The following FAM135B variants were observed in gnomAD, a reference collection of about 807,000 sequenced individuals.
FAM135B encodes the protein protein FAM135B.
A neutral mutation model predicts 127.7 loss-of-function variants in FAM135B; 43 were observed. The ratio of observed to expected loss-of-function variants is 0.34; its 90% CI spans 0.26 to 0.43. The LOEUF is 0.43. Among genes scored for constraint, FAM135B ranks in the 20% least tolerant of loss-of-function variants. FAM135B has a pLI of 1.00. For synonymous variants in FAM135B, 670 were observed against 665.1 expected, an observed-to-expected ratio of 1.01 and a Z score of -0.11; for missense variants, 1,558 against 1,725.6, an observed-to-expected ratio of 0.90 and a Z score of 1.72.
At chr8:138,309,888 T>G (rs1391273782) in intron 3 of FAM135B, among the ~76,000 whole-genome samples, 3 of 137,722 alleles carry the variant, frequency 2.2e-5, no homozygotes, top group Non-Finnish European at 4.6e-5. Context: ...TTTTTGGAGC[T>G]CCACTCTGTC....
intron 3 of FAM135B, among the ~76,000 whole-genome samples, chr8:138,277,572 G>T (rs1443357770): frequency 6.6e-6 from 1 of 152,176 alleles, no homozygotes; most frequent in Non-Finnish European, 1.5e-5. Flanking sequence ...ACTTCTGCAT[G>T]TAAGCCCCTT....
At position 138,475,608 on chromosome 8, in the gene FAM135B, A is replaced by G. The variant is rs975856404; in HGVS notation, c.-20+21063T>C. Among the ~76,000 whole-genome samples, 3 of 152,178 alleles carry G rather than the reference A, an allele frequency of 2.0e-5. No homozygotes were observed. The East Asian group carries it at 5.8e-4, about 29-fold the overall frequency. ...ACGATCTGTCAATTCTAAATCAGCAATATTTCTAGAATTTAGTTACTCAAT... is the reference window on the plus strand; with the variant it reads ...ACGATCTGTCAATTCTAAATCAGCAGTATTTCTAGAATTTAGTTACTCAAT... On this transcript the variant is annotated intron_variant, in intron 1 of 19. Transcript: ENST00000395297.
At chr8:138,470,555 A>C (rs1837622612) in intron 1 of FAM135B, among the ~76,000 whole-genome samples, 1 of 152,164 alleles carries the variant, frequency 6.6e-6, no homozygotes, top group South Asian at 2.1e-4. Context: ...CTTGATTTCT[A>C]TTCGTTGTGT....
chr8:138,204,755 A>ATTCC (rs1817428102), intron 7 of FAM135B, among the ~76,000 whole-genome samples: 1 of 152,258 alleles, frequency 6.6e-6, no homozygotes, highest in Admixed American at 6.5e-5. Flanking sequence ...ATATGTATGT[A>ATTCC]ACCTGATTTT....
Position 138,251,057 on chromosome 8 carries a change from G to T in FAM135B, c.369-43C>A, listed in dbSNP as rs750397574. The stretch of plus-strand genomic sequence containing the variant: ...GAGCTCACGTGAGAAATGGTGGGTT[G>T]CCCCTGCTGTCCTCCTAGCATGTCT... On this transcript the variant is annotated intron_variant, in intron 5 of 19. Coordinates refer to ENST00000395297, the MANE Select transcript of FAM135B (RefSeq NM_015912.4). The T allele has an allele frequency of 3.1e-6, 5 of 1,607,412 alleles. No individual in the cohort carries two copies. The South Asian group carries it at 3.3e-5, about 11-fold the overall frequency.
At chr8:138,288,583 T>C (rs567929004) in intron 3 of FAM135B, among the ~76,000 whole-genome samples, 2 of 152,104 alleles carry the variant, frequency 1.3e-5, no homozygotes, top group African/African-American at 2.4e-5. Context: ...AAGCAGGAGA[T>C]GTTGAGGAAA....
chr8:138,287,403 G>A (rs959619293), intron 3 of FAM135B, among the ~76,000 whole-genome samples: 2 of 148,866 alleles, frequency 1.3e-5, no homozygotes, highest in Non-Finnish European at 3.0e-5. Context: ...TAAACTGCTA[G>A]TGGAAGTTGA....
At chr8:138,451,937 G>C (rs1255384078) in intron 1 of FAM135B, among the ~76,000 whole-genome samples, 1 of 151,974 alleles carries the variant, frequency 6.6e-6, no homozygotes, top group African/African-American at 2.4e-5. Context: ...GATGGCTGAT[G>C]GCACAGCCCA....
chr8:138,397,449 C>T (rs867861794), intron 1 of FAM135B, among the ~76,000 whole-genome samples: 7 of 152,110 alleles, frequency 4.6e-5, no homozygotes, highest in Non-Finnish European at 8.8e-5. Context: ...ATCGTGAATG[C>T]GTTAAATGCC....
At chr8:138,495,108 A>G (rs1382893930) in intron 1 of FAM135B, among the ~76,000 whole-genome samples, 1 of 152,240 alleles carries the variant, frequency 6.6e-6, no homozygotes, top group East Asian at 1.9e-4. Flanking sequence ...TCTGAGGAAG[A>G]GAGATTCTTT....
At position 138,197,646 on chromosome 8, in the gene FAM135B, C is replaced by T. The variant is rs1388811827; in HGVS notation, c.693G>A (p.Glu231=). The part of the protein sequence containing the change: ...SSEGSFYITS[E]NCMQHAHKWH... ...ACTTGTGTGCGTGCTGCATGCAGTT[C>T]TCAGAGGTGATGTAGAAGCTTCCCT... The change falls in exon 8 of 20, where the codon GAG becomes GAA. Residue 231 remains glutamate, a synonymous_variant. Transcript: ENST00000395297. 6.2e-7 allele frequency: 1 copy of T among 1,613,970 alleles called. No individual in the cohort carries two copies. Among genetic ancestry groups the T allele is most frequent in the Non-Finnish European group, 8.5e-7 (1 of 1,179,966 alleles).
At chr8:138,445,163 A>G (rs1465356848) in intron 1 of FAM135B, among the ~76,000 whole-genome samples, 1 of 152,224 alleles carries the variant, frequency 6.6e-6, no homozygotes, top group Non-Finnish European at 1.5e-5. Context: ...AATAATTAAT[A>G]GCTTACCAAC....
chr8:138,367,813 T>A (rs970890389), intron 2 of FAM135B, 94 bp downstream of exon 2: 1 of 957,808 alleles, frequency 1.0e-6, no homozygotes, highest in Non-Finnish European at 1.6e-6. Flanking sequence ...AAATTTCCTA[T>A]AATCTGACTT....
At chr8:138,220,608 G>A (rs1429121324) in intron 7 of FAM135B, among the ~76,000 whole-genome samples, 1 of 152,188 alleles carries the variant, frequency 6.6e-6, no homozygotes, top group Non-Finnish European at 1.5e-5. Flanking sequence ...CTAACGCATT[G>A]TAAGTGCTTG....
chr8:138,457,027 A>G (rs1836818762), intron 1 of FAM135B, among the ~76,000 whole-genome samples: 1 of 41,242 alleles, frequency 2.4e-5, no homozygotes, highest in Admixed American at 3.8e-4. Context: ...AAAAGGAACA[A>G]AAAAAAAAAA....
At chr8:138,136,747 T>C (rs1816698172) in intron 19 of FAM135B, among the ~76,000 whole-genome samples, 1 of 152,214 alleles carries the variant, frequency 6.6e-6, no homozygotes, top group African/African-American at 2.4e-5. Flanking sequence ...CCTGTTCCAC[T>C]TCTGGGCTGC....
intron 1 of FAM135B, chr8:138,438,470 C>T (rs951849997): frequency 3.9e-5 from 6 of 152,100 alleles, no homozygotes; most frequent in African/African-American, 1.4e-4. Context: ...ATTTGAATTG[C>T]ACTTCTGAGC....
intron 12 of FAM135B, among the ~76,000 whole-genome samples, chr8:138,162,387 G>A (rs1045927499): frequency 7.2e-5 from 11 of 152,128 alleles, no homozygotes; most frequent in East Asian, 3.9e-4. Flanking sequence ...CTCATTATAC[G>A]TCTGTCCAAA....
intron 3 of FAM135B, among the ~76,000 whole-genome samples, chr8:138,291,717 G>A (rs1825123396): frequency 6.6e-6 from 1 of 152,058 alleles, no homozygotes; most frequent in South Asian, 2.1e-4. Context: ...ATGCAAAAAA[G>A]CATTTGACAA....
Sources: gnomAD v4.1 joint callset for allele counts (sites outside exome capture counted in the v4.1 genomes callset) on GRCh38, gnomAD v4.1.1 for gene constraint, MANE v1.5 for transcripts, NCBI Gene and HGNC (gene_info 2026-07-23, HGNC 2026-07-21) for gene names.